BEST4: variants seen among roughly 807,000 people sequenced by gnomAD.
BEST4 encodes bestrophin-4.
In BEST4, 36 loss-of-function variants were observed where a neutral mutation model predicts 47.1. The observed-to-expected ratio is 0.76, with a 90% CI of 0.59 to 1.01. BEST4 has a LOEUF of 1.01. Ranked by LOEUF, BEST4 falls within the 50% of genes least tolerant of loss-of-function variation. The pLI, the probability that BEST4 is intolerant of heterozygous loss-of-function variation, is 0.00. For synonymous variants in BEST4, 250 were observed against 277.8 expected (o/e 0.90, Z 1.00); for missense variants, 550 against 648.6 (o/e 0.85, Z 1.65).
At chr1:44,788,787 G>C (rs1413880639), upstream of BEST4, among the ~76,000 whole-genome samples, 1 of 152,198 alleles carries the variant, frequency 6.6e-6, no homozygotes, top group African/African-American at 2.4e-5. Flanking sequence ...GGCTTGGCCA[G>C]GCTCTTCTCC....
chr1:44,784,549 G>A lies in BEST4; in HGVS notation c.1149-66C>T. ...GAGCGGGGACGCGGGATCGGCTCTCGGGGAAGGACCGAGGCATCGGTGCCC... is the reference window on the plus strand; with the variant it reads ...GAGCGGGGACGCGGGATCGGCTCTCAGGGAAGGACCGAGGCATCGGTGCCC... On this transcript the variant is annotated intron_variant, in intron 8 of 8. Transcript: ENST00000372207. The surrounding 1 kb of genome is among the most constrained non-coding windows in gnomAD (Gnocchi z 6.2). 2.6e-6 allele frequency: 4 copies of A among 1,526,004 alleles called. No individual in the cohort carries two copies. Among genetic ancestry groups the A allele is most frequent in the East Asian group, 4.9e-5 (2 of 40,790 alleles). The allele number at this position is 1,526,004 out of a possible 1,614,324, so 94.5% of individuals were successfully genotyped here. A position where few individuals can be genotyped will look rare whatever the true frequency, so the allele number is the denominator to read the frequency against.
In BEST4 at chr1:44,785,593, A is replaced by C. The variant is rs1651189983; in HGVS notation, c.714+6T>G. The C allele has an allele frequency of 6.4e-7, 1 of 1,550,720 alleles. No individual in the cohort carries two copies. The highest frequency in any genetic ancestry group is 1.2e-5 in the South Asian group (1 of 84,052). Reference sequence around the variant, plus strand: ...CACTGGGACTCGGGAGGGGAGAGGCAGTTACTTGGGTGTAGACGAGGGGGA... The same window carrying C: ...CACTGGGACTCGGGAGGGGAGAGGCCGTTACTTGGGTGTAGACGAGGGGGA... On this transcript the variant is annotated splice_donor_region_variant and intron_variant, in intron 5 of 8. Transcript: ENST00000372207.
upstream of BEST4, among the ~76,000 whole-genome samples, chr1:44,788,916 C>T (rs1363957429): frequency 1.3e-5 from 2 of 152,192 alleles, no homozygotes; most frequent in Non-Finnish European, 2.9e-5. Flanking sequence ...TGAGTGGCCA[C>T]TTTCACCTCT....
At chr1:44,788,292 G>A (rs1046142568), upstream of BEST4, among the ~76,000 whole-genome samples, 3 of 152,210 alleles carry the variant, frequency 2.0e-5, no homozygotes, top group Admixed American at 2.0e-4. Flanking sequence ...TGGGAACTGG[G>A]TGTGTCTCCT....
chr1:44,785,690 A>G lies in BEST4; in HGVS notation c.637-14T>C. The G allele has an allele frequency of 6.4e-7, 1 of 1,550,940 alleles. No homozygotes were observed. Among genetic ancestry groups the G allele is most frequent in the Non-Finnish European group, 8.7e-7 (1 of 1,146,054 alleles). On this transcript the variant is annotated splice_polypyrimidine_tract_variant and intron_variant, in intron 4 of 8. Transcript: ENST00000372207. ...CTTGTTCAGCTCCTGGGGGAACAGC[A>G]GGAACAGGAAGTCAGCAGAGGTGAG... is the stretch of plus-strand genomic sequence containing the variant.
chr1:44,787,930 A>G lies in BEST4; in HGVS notation c.-225T>C, dbSNP rs1274955624. On this transcript the variant is annotated 5_prime_UTR_variant, in exon 1 of 9. Transcript: ENST00000372207. ...GCTAGAGTTGGACAAGGTAGAACTG[A>G]GATCTGTGTCCCTTCATGCATGAGG... 6.6e-6 allele frequency among the ~76,000 whole-genome samples: 1 copy of G among 152,240 alleles called. No homozygotes were observed. The highest frequency in any genetic ancestry group is 1.5e-5 in the Non-Finnish European group (1 of 68,038).
At chr1:44,791,102 T>C (rs993007923), upstream of BEST4, among the ~76,000 whole-genome samples, 3 of 151,926 alleles carry the variant, frequency 2.0e-5, no homozygotes, top group Non-Finnish European at 2.9e-5. Flanking sequence ...CCCTGCTATT[T>C]TGTGAGATTT....
At position 44,787,818 on chromosome 1, in the gene BEST4, C is replaced by A; in HGVS notation, c.-113G>T. The A allele has an allele frequency of 7.7e-7, 1 of 1,295,304 alleles. No individual in the cohort carries two copies. The highest frequency in any genetic ancestry group is 1.1e-6 in the Non-Finnish European group (1 of 931,898). 80.2% of individuals were successfully genotyped at this position (1,295,304 alleles called of 1,614,324 possible). A position where few individuals can be genotyped will look rare whatever the true frequency, so the allele number is the denominator to read the frequency against. ...CTCACACACCCCAGCCTTCACCCTGCGTCAGTGGACAAGGGGGTAGGAGCC... is the reference window on the plus strand; with the variant it reads ...CTCACACACCCCAGCCTTCACCCTGAGTCAGTGGACAAGGGGGTAGGAGCC... On this transcript the variant is annotated 5_prime_UTR_variant, in exon 1 of 9. Transcript: ENST00000372207.
upstream of BEST4, among the ~76,000 whole-genome samples, chr1:44,789,255 AAAAG>A (rs1305883056): frequency 7.6e-5 from 11 of 144,892 alleles, no homozygotes; most frequent in Non-Finnish European, 9.2e-5. Flanking sequence ...AAAAAAAAAA[AAAAG>A]AAAAGAAAGA....
rs199576518 is a variant in BEST4, at chr1:44,786,135, G to A, written c.575C>T (p.Ala192Val). The change falls in exon 4 of 9, where the codon GCG becomes GTG. Residue 192 changes from alanine (A) to valine (V), a missense_variant. Transcript: ENST00000372207. The surrounding 1 kb of genome is among the most constrained non-coding windows in gnomAD (Gnocchi z 4.9). ...WVPCVWFTNL[A>V]AQARRDGRIR... ...TCGCCCGTCCCTCCGGGCCTGGGCC[G>A]CCAGGTTGGTGAACCAGACGCAGGG... 2.5e-6 allele frequency: 4 copies of A among 1,613,946 alleles called. No individual in the cohort carries two copies. The highest frequency in any genetic ancestry group is 2.2e-5 in the East Asian group (1 of 44,870).
chr1:44,785,792 G>T, intron 4 of BEST4, 116 bp from the exon 5 acceptor site: 1 of 931,750 alleles, frequency 1.1e-6, no homozygotes. Flanking sequence ...CCTCAGAGGT[G>T]TATTAAGATG....
chr1:44,785,715 G>C lies in BEST4; in HGVS notation c.637-39C>G, dbSNP rs372326975. 26 of 1,518,368 alleles carry C rather than the reference G, an allele frequency of 1.7e-5. No individual in the cohort carries two copies. The East Asian group carries it at 2.2e-4, about 13-fold the overall frequency. 94.1% of individuals were successfully genotyped at this position (1,518,368 alleles called of 1,614,324 possible). On this transcript the variant is annotated intron_variant, in intron 4 of 8. Transcript: ENST00000372207. ...AGGAACAGGAAGTCAGCAGAGGTGA[G>C]GAAGGAACAGGGGTGCCCAGCACAA...
At chr1:44,782,981 C>T (rs145634345), downstream of BEST4, among the ~76,000 whole-genome samples, 56 of 151,146 alleles carry the variant, frequency 3.7e-4, 1 homozygote, top group African/African-American at 1.3e-3. Flanking sequence ...GGAGACAGAG[C>T]CTGGCTCTGT....
Position 44,784,536 on chromosome 1 carries a change from G to A in BEST4, c.1149-53C>T. On this transcript the variant is annotated intron_variant, in intron 8 of 8. Coordinates refer to ENST00000372207, the MANE Select transcript of BEST4 (RefSeq NM_153274.3). This position sits in a 1 kb window ranked among gnomAD's most constrained non-coding sequence, Gnocchi z 6.2. Reference sequence around the variant, plus strand: ...GGGCACAGGGCGGGAGCGGGGACGCGGGATCGGCTCTCGGGGAAGGACCGA... The same window carrying A: ...GGGCACAGGGCGGGAGCGGGGACGCAGGATCGGCTCTCGGGGAAGGACCGA... 3 of 1,506,244 alleles carry A rather than the reference G, an allele frequency of 2.0e-6. No individual in the cohort carries two copies. Among genetic ancestry groups the A allele is most frequent in the Non-Finnish European group, 2.7e-6 (3 of 1,128,082 alleles). The allele number at this position is 1,506,244 out of a possible 1,614,324, so 93.3% of individuals were successfully genotyped here. A position where few individuals can be genotyped will look rare whatever the true frequency, so the allele number is the denominator to read the frequency against.
At chr1:44,783,320 C>T (rs1396245592), downstream of BEST4, among the ~76,000 whole-genome samples, 6 of 152,152 alleles carry the variant, frequency 3.9e-5, no homozygotes, top group Admixed American at 3.9e-4. Context: ...TGGAGATGGG[C>T]CTAGGCTTCT....
At position 44,784,273 on chromosome 1, in the gene BEST4, G is replaced by A. The variant is rs903756821; in HGVS notation, c.1359C>T (p.Pro453=). ...LRFRAEEGGD[P]EAAARIEEES... ...CCTCCTCGATGCGGGCTGCGGCCTC[G>A]GGGTCGCCGCCCTCCTCCGCCCGGA... The change falls in exon 9 of 9, where the codon CCC becomes CCT. Residue 453 remains proline (P), a synonymous_variant. Coordinates refer to ENST00000372207, the MANE Select transcript of BEST4 (RefSeq NM_153274.3). This position sits in a 1 kb window ranked among gnomAD's most constrained non-coding sequence, Gnocchi z 6.2. 7.6e-6 allele frequency: 11 copies of A among 1,438,086 alleles called. No homozygotes were observed. Among genetic ancestry groups the A allele is most frequent in the Non-Finnish European group, 8.1e-6 (9 of 1,105,380 alleles). 89.1% of individuals were successfully genotyped at this position (1,438,086 alleles called of 1,614,324 possible).
chr1:44,790,707 T>C (rs142168463), upstream of BEST4, among the ~76,000 whole-genome samples: 741 of 152,188 alleles, frequency 4.9e-3, 5 homozygotes, highest in African/African-American at 0.017. Context: ...GCCCAGGAGT[T>C]TGAGACCAGC....
rs777130081 is a variant in BEST4, at chr1:44,786,275, G to T, written c.482-47C>A. Reference sequence around the variant, plus strand: ...GGTGCAGTTGCACCCTCTGCCGCCAGGGGAGGCTGCTGTTCCGCCGTCTGG... The same window carrying T: ...GGTGCAGTTGCACCCTCTGCCGCCATGGGAGGCTGCTGTTCCGCCGTCTGG... On this transcript the variant is annotated intron_variant, in intron 3 of 8. Transcript: ENST00000372207. The surrounding 1 kb of genome is among the most constrained non-coding windows in gnomAD (Gnocchi z 4.9). 2.6e-6 allele frequency: 4 copies of T among 1,558,548 alleles called. No homozygotes were observed. The South Asian group carries it at 4.8e-5, about 19-fold the overall frequency.
chr1:44,786,800 A>C lies in BEST4; in HGVS notation c.248-104T>G. Reference sequence around the variant, plus strand: ...AAAGGGCCTGGTCCAGGCCAGTTGAATCGTGGCAGGGGGAAGGAAACATTC... The same window carrying C: ...AAAGGGCCTGGTCCAGGCCAGTTGACTCGTGGCAGGGGGAAGGAAACATTC... On this transcript the variant is annotated intron_variant, in intron 2 of 8. Coordinates refer to ENST00000372207, the MANE Select transcript of BEST4 (RefSeq NM_153274.3). This position sits in a 1 kb window ranked among gnomAD's most constrained non-coding sequence, Gnocchi z 4.9. 2 of 866,758 alleles carry C rather than the reference A, an allele frequency of 2.3e-6. No homozygotes were observed. Among genetic ancestry groups the C allele is most frequent in the Non-Finnish European group, 3.5e-6 (2 of 566,850 alleles). The allele number at this position is 866,758 out of a possible 1,614,324, so 53.7% of individuals were successfully genotyped here.
Sources: gnomAD v4.1 joint callset for allele counts (sites outside exome capture counted in the v4.1 genomes callset) on GRCh38, gnomAD v4.1.1 for gene constraint, Gnocchi (gnomAD v3.1) non-coding constraint, MANE v1.5 for transcripts, NCBI Gene and HGNC (gene_info 2026-07-23, HGNC 2026-07-21) for gene names.